ANPEP: variants seen among roughly 807,000 people sequenced by gnomAD.
The protein encoded by ANPEP is aminopeptidase N.
ANPEP carries 70 observed loss-of-function variants against 114.6 expected under a neutral mutation model. The ratio of observed to expected loss-of-function variants is 0.61; its 90% CI spans 0.50 to 0.75. The LOEUF is 0.75. Among genes scored for constraint, ANPEP ranks in the 30% least tolerant of loss-of-function variants. ANPEP has a pLI of 0.00. For synonymous variants in ANPEP, 548 were observed against 522.3 expected (o/e 1.05, Z -0.67); for missense variants, 1,184 against 1,259.5 (o/e 0.94, Z 0.91).
At chr15:89,814,587 C>T (rs1894874915) in intron 1 of ANPEP, among the ~76,000 whole-genome samples, 185 bp downstream of exon 1, 1 of 152,216 alleles carries the variant, frequency 6.6e-6, no homozygotes, top group Admixed American at 6.5e-5. Context: ...GGGAGCTCGG[C>T]CAAAAGAATT....
Position 89,799,179 on chromosome 15 carries a change from A to AG in ANPEP, c.2009+80dup. On this transcript the variant is annotated intron_variant, in intron 14 of 20. Coordinates refer to ENST00000300060, the MANE Select transcript of ANPEP (RefSeq NM_001150.3). The surrounding 1 kb of genome is among the most constrained non-coding windows in gnomAD (Gnocchi z 4.2). ...CGTGGCATATGGGAAGGGCAGCAGG[A>AG]GGAGCAGGGGCCCTCATTGTGGACT... 1 of 1,527,010 alleles carries AG rather than the reference A, an allele frequency of 6.5e-7. No individual in the cohort carries two copies. Among genetic ancestry groups the AG allele is most frequent in the Middle Eastern group, 1.8e-4 (1 of 5,646 alleles). The allele number at this position is 1,527,010 out of a possible 1,614,324, so 94.6% of individuals were successfully genotyped here.
intron 20 of ANPEP, among the ~76,000 whole-genome samples, chr15:89,790,076 TA>T (rs966953814): frequency 8.0e-5 from 5 of 62,686 alleles, no homozygotes; most frequent in South Asian, 5.5e-4. Flanking sequence ...AAATAAAAAA[TA>T]AAAAAAATAA....
In ANPEP at chr15:89,787,190, C is replaced by T. The variant is rs962263615; in HGVS notation, c.2752-1689G>A. On this transcript the variant is annotated intron_variant, in intron 20 of 20. Coordinates refer to ENST00000300060, the MANE Select transcript of ANPEP (RefSeq NM_001150.3). The stretch of plus-strand genomic sequence containing the variant: ...CCTCCCGAGTAGCTGGGATTACAGG[C>T]GCCCGCCACTGCATCCAGCTAATTT... Among the ~76,000 whole-genome samples the T allele has an allele frequency of 5.7e-4, 87 of 151,662 alleles. 1 individual carries two copies. The highest frequency in any genetic ancestry group is 5.4e-3 in the Admixed American group (82 of 15,210).
At chr15:89,797,484 T>C in intron 15 of ANPEP, 91 bp downstream of exon 15, 1 of 1,457,436 alleles carries the variant, frequency 6.9e-7, no homozygotes, top group Non-Finnish European at 9.1e-7. Context: ...TGACCAGGAG[T>C]CCAGTAGGCA....
chr15:89,810,561 G>A (rs1214901344), intron 1 of ANPEP, among the ~76,000 whole-genome samples: 4 of 151,172 alleles, frequency 2.6e-5, no homozygotes, highest in Non-Finnish European at 5.9e-5. Flanking sequence ...ACAACAGAAC[G>A]AGACTCTGTT....
At position 89,803,663 on chromosome 15, in the gene ANPEP, G is replaced by A. The variant is rs758432715; in HGVS notation, c.1421C>T (p.Ala474Val). The A allele has an allele frequency of 2.5e-6, 4 of 1,612,304 alleles. No individual in the cohort carries two copies. Among genetic ancestry groups the A allele is most frequent in the Non-Finnish European group, 3.4e-6 (4 of 1,179,136 alleles). The change falls in exon 8 of 21, where the codon GCC (alanine) becomes GTC (valine). Residue 474 changes from alanine (A) to valine (V), a missense_variant. Transcript: ENST00000300060. This position sits in a 1 kb window ranked among gnomAD's most constrained non-coding sequence, Gnocchi z 4.2. ...TPAQISELFDAISYSKGASVL... is the reference protein window; with the variant it reads ...TPAQISELFDVISYSKGASVL... Reference sequence around the variant, plus strand: ...GGGCTGCACCTTGCTGTAGGAGATGGCGTCAAACAGCTCACTGATCTGGGC... The same window carrying A: ...GGGCTGCACCTTGCTGTAGGAGATGACGTCAAACAGCTCACTGATCTGGGC...
intron 2 of ANPEP, 21 bp downstream of exon 2, chr15:89,805,949 G>T (rs1207131242): frequency 2.6e-6 from 4 of 1,567,986 alleles, no homozygotes; most frequent in Admixed American, 1.7e-5. Flanking sequence ...CACCCCACCG[G>T]GCAGCCCAGC....
intron 18 of ANPEP, 96 bp from the exon 19 acceptor site, chr15:89,791,189 C>T (rs1193115433): frequency 1.4e-6 from 2 of 1,396,086 alleles, no homozygotes; most frequent in East Asian, 2.3e-5. Context: ...CCTGCATCCT[C>T]TCAACATCCC....
At chr15:89,808,598 T>G (rs1403386737) in intron 1 of ANPEP, among the ~76,000 whole-genome samples, 1 of 152,210 alleles carries the variant, frequency 6.6e-6, no homozygotes, top group African/African-American at 2.4e-5. Flanking sequence ...TCTCCCAGCT[T>G]GTCCCCACCC....
chr15:89,797,849 G>T, intron 14 of ANPEP, 127 bp from the exon 15 acceptor site: 1 of 1,305,902 alleles, frequency 7.7e-7, no homozygotes. Flanking sequence ...CCTGGAGCCG[G>T]AGGTCCCAGA....
chr15:89,806,080 G>A lies in ANPEP; in HGVS notation c.504C>T (p.Gly168=). 6.2e-7 allele frequency: 1 copy of A among 1,613,966 alleles called. No homozygotes were observed. Among genetic ancestry groups the A allele is most frequent in the Non-Finnish European group, 8.5e-7 (1 of 1,179,934 alleles). Residue 168 remains glycine (G), a synonymous_variant, in exon 2 of 21, where the codon GGC becomes GGT. Coordinates refer to ENST00000300060, the MANE Select transcript of ANPEP (RefSeq NM_001150.3). This position sits in a 1 kb window ranked among gnomAD's most constrained non-coding sequence, Gnocchi z 5.7. ...CATACTGGCTGTCCTTCACCAGGGA[G>A]CCCTTGAGGTGCACCACCAGGTACT... ...PTEYLVVHLK[G]SLVKDSQYEM...
chr15:89,787,138 C>T (rs1307573193), intron 20 of ANPEP, among the ~76,000 whole-genome samples: 4 of 150,532 alleles, frequency 2.7e-5, no homozygotes, highest in African/African-American at 7.4e-5. Context: ...CTCCGCCTCC[C>T]GGGTTCAAGC....
At chr15:89,802,636 C>CAG (rs1894618906) in intron 10 of ANPEP, 1 of 152,514 alleles carries the variant, frequency 6.6e-6, no homozygotes. Flanking sequence ...GAAATGATGT[C>CAG]AGCGGAAATG....
At position 89,813,153 on chromosome 15, in the gene ANPEP, C is replaced by CA. The variant is rs1333583970; in HGVS notation, c.-224+1618dup. On this transcript the variant is annotated intron_variant, in intron 1 of 20. Transcript: ENST00000300060. ...CCCCAGGGCCTCGGTGTGCGGCTGA[C>CA]ACACTGTCCATGCCATGCCTCCAGG... is the stretch of plus-strand genomic sequence containing the variant. 2.4e-4 allele frequency among the ~76,000 whole-genome samples: 36 copies of CA among 152,268 alleles called. No homozygotes were observed. The East Asian group carries it at 6.6e-3, about 28-fold the overall frequency.
chr15:89,798,433 T>C (rs1968770549), intron 14 of ANPEP, among the ~76,000 whole-genome samples: 1 of 152,016 alleles, frequency 6.6e-6, no homozygotes, highest in African/African-American at 2.4e-5. Context: ...GGTCAGGAGT[T>C]TGAGACCAGC....
chr15:89,789,531 G>C (rs1002017425), intron 20 of ANPEP, among the ~76,000 whole-genome samples: 2 of 151,860 alleles, frequency 1.3e-5, no homozygotes, highest in African/African-American at 4.8e-5. Context: ...TCAGCACTTT[G>C]GGAGACCGAG....
chr15:89,799,104 G>A lies in ANPEP; in HGVS notation c.2009+156C>T, dbSNP rs1894531976. Among the ~76,000 whole-genome samples the A allele has an allele frequency of 6.6e-6, 1 of 152,194 alleles. No homozygotes were observed. The highest frequency in any genetic ancestry group is 1.5e-5 in the Non-Finnish European group (1 of 68,048). On this transcript the variant is annotated intron_variant, in intron 14 of 20. Transcript: ENST00000300060. The surrounding 1 kb of genome is among the most constrained non-coding windows in gnomAD (Gnocchi z 4.2). ...TTCTTCATCTGTGAAATGGGTGTGTGGGGACCCAGGGAGGGACGTCCAGGG... is the reference window on the plus strand; with the variant it reads ...TTCTTCATCTGTGAAATGGGTGTGTAGGGACCCAGGGAGGGACGTCCAGGG...
chr15:89,799,297 G>A lies in ANPEP; in HGVS notation c.1972C>T (p.Arg658Trp), dbSNP rs866441038. Residue 658 changes from arginine to tryptophan, a missense_variant, in exon 14 of 21, where the codon CGG becomes TGG. Physicochemically the swap from Arg to Trp is moderately radical, Grantham distance 101. Transcript: ENST00000300060. The surrounding 1 kb of genome is among the most constrained non-coding windows in gnomAD (Gnocchi z 4.2). ...RDHSAIPVIN[R>W]AQIINDAFNL... is the part of the protein sequence containing the mutation. ...AAGGCGTCATTAATGATCTGTGCCC[G>A]ATTGATGACAGGGATGGCCTAGAAT... 7 of 1,614,196 alleles carry A rather than the reference G, an allele frequency of 4.3e-6. No individual in the cohort carries two copies. The East Asian group carries it at 1.6e-4, about 36-fold the overall frequency.
intron 15 of ANPEP, 170 bp downstream of exon 15, chr15:89,797,405 C>T: frequency 3.0e-6 from 3 of 1,008,602 alleles, no homozygotes; most frequent in Non-Finnish European, 4.2e-6. Flanking sequence ...CCTGCGTGCT[C>T]TCAGGAGAGA....
Sources: allele counts gnomAD v4.1 joint callset (sites outside exome capture counted in the v4.1 genomes callset), GRCh38; gene constraint gnomAD v4.1.1; non-coding constraint Gnocchi (gnomAD v3.1); transcripts MANE v1.5; gene names NCBI Gene and HGNC (gene_info 2026-07-23, HGNC 2026-07-21).